OPCML: variants seen among roughly 807,000 people sequenced by gnomAD.
The protein encoded by OPCML is opioid-binding protein/cell adhesion molecule.
A neutral mutation model predicts 37.8 loss-of-function variants in OPCML; 13 were observed. The observed-to-expected ratio is 0.34, with a 90% CI of 0.22 to 0.55. OPCML has a LOEUF of 0.55. OPCML is among the 20% of genes least tolerant of loss of function. OPCML has a pLI of 0.91. For missense variants in OPCML, 341 were observed against 435.6 expected, an observed-to-expected ratio of 0.78 and a Z score of 1.93; for synonymous variants, 176 against 168.8, an observed-to-expected ratio of 1.04 and a Z score of -0.33.
At chr11:132,768,068 TCAAA>T (rs1282167368) in intron 2 of OPCML, among the ~76,000 whole-genome samples, 1 of 152,178 alleles carries the variant, frequency 6.6e-6, no homozygotes, top group Non-Finnish European at 1.5e-5. Flanking sequence ...GTGTCAGAAG[TCAAA>T]CAAAGGTACA....
intron 1 of OPCML, among the ~76,000 whole-genome samples, chr11:132,966,399 A>G (rs1265554302): frequency 6.6e-6 from 1 of 151,998 alleles, no homozygotes; most frequent in Non-Finnish European, 1.5e-5. Flanking sequence ...TATGATTTTG[A>G]TCAAGTCATA....
At chr11:133,370,974 CA>C (rs553142795) in intron 1 of OPCML, among the ~76,000 whole-genome samples, 75 of 152,068 alleles carry the variant, frequency 4.9e-4, no homozygotes, top group Non-Finnish European at 8.7e-4. Flanking sequence ...GATTCAGCGG[CA>C]AAACAAACAA....
intron 2 of OPCML, among the ~76,000 whole-genome samples, chr11:132,860,321 C>A (rs917525841): frequency 6.6e-6 from 1 of 152,198 alleles, no homozygotes; most frequent in Non-Finnish European, 1.5e-5. Context: ...CAGTTTTCAT[C>A]TCAAAACTTG....
chr11:133,375,202 C>T (rs995059384), intron 1 of OPCML, among the ~76,000 whole-genome samples: 2 of 152,298 alleles, frequency 1.3e-5, no homozygotes, highest in Middle Eastern at 3.4e-3. Flanking sequence ...GATGTACTAC[C>T]GTCTCACAAC....
chr11:132,551,097 T>C (rs927924481), intron 3 of OPCML, among the ~76,000 whole-genome samples: 1 of 152,172 alleles, frequency 6.6e-6, no homozygotes, highest in Non-Finnish European at 1.5e-5. Flanking sequence ...CAGCACAAAA[T>C]AGAGTTCTGT....
At chr11:133,043,198 C>CAGAGAGA (rs914855880) in intron 1 of OPCML, among the ~76,000 whole-genome samples, 5 of 152,148 alleles carry the variant, frequency 3.3e-5, no homozygotes, top group African/African-American at 1.2e-4. Flanking sequence ...ATGCAAGAGG[C>CAGAGAGA]AGAGAGAGCC....
At position 133,053,812 on chromosome 11, in the gene OPCML, G is replaced by A. The variant is rs917354551; in HGVS notation, c.62-110802C>T. On this transcript the variant is annotated intron_variant, in intron 1 of 7. Coordinates refer to ENST00000524381, the MANE Select transcript of OPCML (RefSeq NM_001012393.5). ...AACCACTCATTCCTAATGGCTTTGGGATACACACCTCTATTCCCAATCCCT... is the reference window on the plus strand; with the variant it reads ...AACCACTCATTCCTAATGGCTTTGGAATACACACCTCTATTCCCAATCCCT... Among the ~76,000 whole-genome samples, 21 of 152,206 alleles carry A rather than the reference G, an allele frequency of 1.4e-4. 1 individual carries two copies. Among genetic ancestry groups the A allele is most frequent in the Non-Finnish European group, 2.4e-4 (16 of 68,026 alleles).
intron 1 of OPCML, among the ~76,000 whole-genome samples, chr11:133,447,410 G>A (rs1946494876): frequency 6.6e-6 from 1 of 152,134 alleles, no homozygotes; most frequent in Non-Finnish European, 1.5e-5. Flanking sequence ...TACATGCACA[G>A]GCTTGTTGCC....
At chr11:133,163,445 A>C (rs1950170188) in intron 1 of OPCML, among the ~76,000 whole-genome samples, 1 of 152,240 alleles carries the variant, frequency 6.6e-6, no homozygotes, top group African/African-American at 2.4e-5. Flanking sequence ...CCATGAAGAA[A>C]GCAAAGGCTC....
intron 3 of OPCML, among the ~76,000 whole-genome samples, chr11:132,633,895 CG>C (rs35989264): frequency 0.22 from 33,856 of 150,732 alleles, 4,654 homozygotes; most frequent in South Asian, 0.36. Context: ...TGTAAGAAAT[CG>C]GGGGTGGGAG....
At chr11:133,491,559 T>C (rs1276342631) in intron 1 of OPCML, among the ~76,000 whole-genome samples, 1 of 152,116 alleles carries the variant, frequency 6.6e-6, no homozygotes, top group Non-Finnish European at 1.5e-5. Context: ...ACTAAGGACA[T>C]CAGGGAGCAC....
intron 1 of OPCML, among the ~76,000 whole-genome samples, chr11:133,108,341 T>G (rs1949194341): frequency 6.6e-6 from 1 of 152,144 alleles, no homozygotes; most frequent in Admixed American, 6.5e-5. Flanking sequence ...GGATTCAAAG[T>G]GCACAGATAC....
At chr11:132,496,870 C>A (rs2096232825) in intron 4 of OPCML, among the ~76,000 whole-genome samples, 1 of 152,146 alleles carries the variant, frequency 6.6e-6, no homozygotes, top group Admixed American at 6.6e-5. Flanking sequence ...TTTGACGATG[C>A]CCTACAGAGC....
chr11:132,753,258 C>T (rs1945901898), intron 2 of OPCML, among the ~76,000 whole-genome samples: 2 of 152,162 alleles, frequency 1.3e-5, no homozygotes, highest in African/African-American at 2.4e-5. Flanking sequence ...CATTTCAGAG[C>T]ACTTATCCCA....
At chr11:133,458,514 A>G (rs746317196) in intron 1 of OPCML, among the ~76,000 whole-genome samples, 1 of 121,254 alleles carries the variant, frequency 8.2e-6, no homozygotes, top group South Asian at 2.3e-4. Flanking sequence ...GTATATACAC[A>G]TATATACACT....
intron 1 of OPCML, among the ~76,000 whole-genome samples, chr11:133,086,849 T>C (rs954473756): frequency 2.6e-5 from 4 of 152,234 alleles, no homozygotes; most frequent in African/African-American, 9.6e-5. Context: ...TGTTTCTGTG[T>C]CTGGCTTATT....
At chr11:133,018,802 C>A (rs1947389023) in intron 1 of OPCML, among the ~76,000 whole-genome samples, 1 of 152,200 alleles carries the variant, frequency 6.6e-6, no homozygotes. Flanking sequence ...GCTGTGTCGT[C>A]CCCCCAGCAA....
At chr11:132,555,244 G>C (rs953964606) in intron 3 of OPCML, among the ~76,000 whole-genome samples, 1 of 152,062 alleles carries the variant, frequency 6.6e-6, no homozygotes, top group Non-Finnish European at 1.5e-5. Flanking sequence ...GATTTATAAA[G>C]AAAAAGAGGT....
At chr11:133,330,041 T>G (rs542945305) in intron 1 of OPCML, among the ~76,000 whole-genome samples, 1 of 152,212 alleles carries the variant, frequency 6.6e-6, no homozygotes, top group South Asian at 2.1e-4. Flanking sequence ...AACAGACACT[T>G]CTCAAAAGAA....
Sources: gnomAD v4.1 joint callset for allele counts (sites outside exome capture counted in the v4.1 genomes callset) on GRCh38, gnomAD v4.1.1 for gene constraint, MANE v1.5 for transcripts, NCBI Gene and HGNC (gene_info 2026-07-23, HGNC 2026-07-21) for gene names.